The following OPCML variants were observed in gnomAD, a reference collection of about 807,000 sequenced individuals.
OPCML encodes the protein opioid-binding protein/cell adhesion molecule.
OPCML carries 13 observed loss-of-function variants against 37.8 expected under a neutral mutation model. The observed-to-expected ratio is 0.34, with a 90% CI of 0.22 to 0.55. OPCML has a LOEUF of 0.55. Ranked by LOEUF, OPCML falls within the 20% of genes least tolerant of loss-of-function variation. The pLI, the probability that OPCML is intolerant of heterozygous loss-of-function variation, is 0.91. For missense variants in OPCML, 341 were observed against 435.6 expected (o/e 0.78, Z 1.93); for synonymous variants, 176 against 168.8 (o/e 1.04, Z -0.33).
At chr11:132,618,619 A>T (rs1275724803) in intron 3 of OPCML, among the ~76,000 whole-genome samples, 1 of 152,188 alleles carries the variant, frequency 6.6e-6, no homozygotes, top group African/African-American at 2.4e-5. Flanking sequence ...TTACCACAAA[A>T]ACCTACCAAC....
chr11:133,521,004 A>C (rs1948385169), intron 1 of OPCML, among the ~76,000 whole-genome samples: 1 of 152,014 alleles, frequency 6.6e-6, no homozygotes, highest in East Asian at 1.9e-4. Flanking sequence ...TTTGGCATGC[A>C]CTCCACTGCT....
At chr11:133,112,767 A>C (rs1006398718) in intron 1 of OPCML, among the ~76,000 whole-genome samples, 6 of 152,100 alleles carry the variant, frequency 3.9e-5, no homozygotes, top group Admixed American at 6.5e-5. Context: ...TGTCTCCAGC[A>C]CTTCAAGAGA....
At chr11:132,778,264 C>A (rs1428614640) in intron 2 of OPCML, among the ~76,000 whole-genome samples, 5 of 152,226 alleles carry the variant, frequency 3.3e-5, no homozygotes, top group African/African-American at 1.2e-4. Context: ...ACCAAATTGG[C>A]CTTTCAGCAG....
At chr11:132,739,405 G>A (rs1945366229) in intron 2 of OPCML, among the ~76,000 whole-genome samples, 1 of 152,098 alleles carries the variant, frequency 6.6e-6, no homozygotes, top group African/African-American at 2.4e-5. Context: ...AACCTAAGTG[G>A]GTAGAAGAAA....
intron 1 of OPCML, among the ~76,000 whole-genome samples, chr11:133,190,930 T>C (rs898400557): frequency 2.6e-5 from 4 of 152,208 alleles, no homozygotes; most frequent in Non-Finnish European, 2.9e-5. Flanking sequence ...TGGACTATTT[T>C]GAATAATGTT....
chr11:132,650,019 C>A (rs769448010), intron 3 of OPCML, among the ~76,000 whole-genome samples: 1 of 152,112 alleles, frequency 6.6e-6, no homozygotes, highest in African/African-American at 2.4e-5. Flanking sequence ...GGTTGTATGG[C>A]TCTTTCCTCT....
intron 1 of OPCML, chr11:133,004,719 G>C (rs564510055): frequency 2.0e-6 from 2 of 985,428 alleles, no homozygotes; most frequent in South Asian, 9.4e-5. Flanking sequence ...GACTTTAGCT[G>C]TCTACTGAGA....
chr11:132,663,280 G>C (rs1224562092), intron 2 of OPCML, among the ~76,000 whole-genome samples: 1 of 152,130 alleles, frequency 6.6e-6, no homozygotes, highest in East Asian at 1.9e-4. Context: ...AGTGATAAAA[G>C]GTGTAAGACA....
At chr11:133,175,484 G>GAAA (rs5795829) in intron 1 of OPCML, among the ~76,000 whole-genome samples, 5 of 137,616 alleles carry the variant, frequency 3.6e-5, no homozygotes, top group East Asian at 2.0e-4. Flanking sequence ...GAGAAAAATA[G>GAAA]AAAAAAAAAA....
chr11:132,491,707 A>G (rs2096216239), intron 4 of OPCML, among the ~76,000 whole-genome samples: 1 of 152,158 alleles, frequency 6.6e-6, no homozygotes, highest in Non-Finnish European at 1.5e-5. Context: ...GCACTGTTCT[A>G]GGGGTGGGGT....
chr11:133,112,248 T>G (rs553461124), intron 1 of OPCML, among the ~76,000 whole-genome samples: 4 of 110,248 alleles, frequency 3.6e-5, no homozygotes, highest in African/African-American at 1.4e-4. Context: ...TAAACAAGAC[T>G]CCAACCTTTT....
Position 132,461,411 on chromosome 11 carries a change from A to G in OPCML, c.506-24052T>C, listed in dbSNP as rs542483843. Among the ~76,000 whole-genome samples the G allele has an allele frequency of 5.9e-5, 9 of 152,288 alleles. No homozygotes were observed. The South Asian group carries it at 1.9e-3, about 32-fold the overall frequency. ...GAGCAGGTTCTGGAAAGGGGAACAC[A>G]TGGAGGTTCTAAATGGTGGTGCATC... On this transcript the variant is annotated intron_variant, in intron 4 of 7. Transcript: ENST00000524381.
intron 2 of OPCML, among the ~76,000 whole-genome samples, chr11:132,658,283 G>C (rs192954652): frequency 3.3e-5 from 5 of 152,356 alleles, no homozygotes; most frequent in Admixed American, 3.3e-4. Context: ...GGCAGAGAGA[G>C]GAGGGACTTG....
At chr11:132,488,834 T>C (rs993690448) in intron 4 of OPCML, among the ~76,000 whole-genome samples, 2 of 152,188 alleles carry the variant, frequency 1.3e-5, no homozygotes, top group African/African-American at 4.8e-5. Context: ...GATCACTTTG[T>C]CCATCTTAAT....
intron 1 of OPCML, among the ~76,000 whole-genome samples, chr11:132,953,951 C>T (rs1945919580): frequency 6.6e-6 from 1 of 152,150 alleles, no homozygotes; most frequent in African/African-American, 2.4e-5. Flanking sequence ...CGGGGCTGTA[C>T]CCACTTCCTG....
intron 1 of OPCML, among the ~76,000 whole-genome samples, chr11:133,149,867 C>G (rs1484858220): frequency 6.6e-6 from 1 of 152,196 alleles, no homozygotes; most frequent in Non-Finnish European, 1.5e-5. Flanking sequence ...AAAAGTAGAG[C>G]CTGCTTTGGG....
chr11:132,425,111 G>A (rs1216226177), intron 7 of OPCML, among the ~76,000 whole-genome samples: 3 of 152,124 alleles, frequency 2.0e-5, no homozygotes, highest in African/African-American at 4.8e-5. Flanking sequence ...TGTTGAAGTC[G>A]TTCATTCAAC....
intron 1 of OPCML, among the ~76,000 whole-genome samples, chr11:133,272,732 C>CA (rs1272218303): frequency 1.3e-5 from 2 of 152,210 alleles, no homozygotes; most frequent in African/African-American, 4.8e-5. Flanking sequence ...ACCAAACTCA[C>CA]AAATACATAT....
At chr11:132,640,717 G>C (rs938539999) in intron 3 of OPCML, among the ~76,000 whole-genome samples, 2 of 152,130 alleles carry the variant, frequency 1.3e-5, no homozygotes, top group African/African-American at 4.8e-5. Context: ...CAGTAGTTAC[G>C]GTGTGGTGTG....
Sources: allele counts gnomAD v4.1 joint callset (sites outside exome capture counted in the v4.1 genomes callset), GRCh38; gene constraint gnomAD v4.1.1; transcripts MANE v1.5; gene names NCBI Gene and HGNC (gene_info 2026-07-23, HGNC 2026-07-21).